Variants in PCDHGC3 observed in about 807,000 individuals in gnomAD.
The protein encoded by PCDHGC3 is protocadherin gamma-C3.
A neutral mutation model predicts 59.2 loss-of-function variants in PCDHGC3; 26 were observed. The ratio of observed to expected loss-of-function variants is 0.44; its 90% CI spans 0.32 to 0.61. PCDHGC3 has a LOEUF of 0.61. PCDHGC3 is among the 20% of genes least tolerant of loss of function. PCDHGC3 has a pLI of 0.05. For synonymous variants in PCDHGC3, 487 were observed against 519.7 expected, an observed-to-expected ratio of 0.94 and a Z score of 0.86; for missense variants, 1,080 against 1,221.8, an observed-to-expected ratio of 0.88 and a Z score of 1.73.
chr5:141,497,122 G>A (rs1407489807), intron 2 of PCDHGC3, among the ~76,000 whole-genome samples: 1 of 151,992 alleles, frequency 6.6e-6, no homozygotes, highest in East Asian at 1.9e-4. Flanking sequence ...GAAGGCAGAG[G>A]TTGCAGTGAG....
In PCDHGC3 at chr5:141,477,850, G is replaced by C. The variant is rs2099420608; in HGVS notation, c.1734G>C (p.Glu578Asp). The change falls in exon 1 of 4, where the codon GAG (glutamate) becomes GAC (aspartate). Residue 578 changes from glutamate (E) to aspartate (D), a missense_variant. Glu to Asp is a conservative substitution (Grantham distance 45). Coordinates refer to ENST00000308177, the MANE Select transcript of PCDHGC3 (RefSeq NM_002588.4). The surrounding 1 kb of genome is among the most constrained non-coding windows in gnomAD (Gnocchi z 4.9). ...LYPRPGGSSV[E>D]MLPRGTSAGH... Reference sequence around the variant, plus strand: ...CTCGGCCAGGTGGGAGCTCGGTGGAGATGCTGCCTCGAGGTACCTCAGCTG... The same window carrying C: ...CTCGGCCAGGTGGGAGCTCGGTGGACATGCTGCCTCGAGGTACCTCAGCTG... 6.2e-6 allele frequency: 10 copies of C among 1,613,328 alleles called. No individual in the cohort carries two copies. Among genetic ancestry groups the C allele is most frequent in the Non-Finnish European group, 7.6e-6 (9 of 1,179,812 alleles).
rs1307889557 is a variant in PCDHGC3, at chr5:141,486,267, C to G, written c.2430+7721C>G. On this transcript the variant is annotated intron_variant, in intron 1 of 3. Transcript: ENST00000308177. The surrounding 1 kb of genome is among the most constrained non-coding windows in gnomAD (Gnocchi z 5.0). ...GGAACCCTCCCCGAGAGTGCAGAAC[C>G]TGGCACTGTGGTGGCACTTATCAGT... 1 of 1,614,128 alleles carries G rather than the reference C, an allele frequency of 6.2e-7. No homozygotes were observed. Among genetic ancestry groups the G allele is most frequent in the South Asian group, 1.1e-5 (1 of 91,072 alleles).
rs2099413641 is a variant in PCDHGC3, at chr5:141,477,586, T to C, written c.1470T>C (p.Ala490=). The C allele has an allele frequency of 1.9e-6, 3 of 1,614,022 alleles. No individual in the cohort carries two copies. The highest frequency in any genetic ancestry group is 2.5e-6 in the Non-Finnish European group (3 of 1,180,036). The change falls in exon 1 of 4, where the codon GCT becomes GCC. Residue 490 remains alanine, a synonymous_variant. Transcript: ENST00000308177. This position sits in a 1 kb window ranked among gnomAD's most constrained non-coding sequence, Gnocchi z 4.9. ...SVWDPDAPQN[A]RLSFFLLEQG... ...GGGACCCCGACGCCCCGCAGAATGC[T>C]CGGCTTTCTTTCTTTCTCTTGGAGC... is the stretch of plus-strand genomic sequence containing the variant.
Position 141,478,292 on chromosome 5 carries a change from CTATA to C in PCDHGC3, c.2177_2180del (p.Leu726ProfsTer5), listed in dbSNP as rs1257685524. 1 of 1,614,146 alleles carries C rather than the reference CTATA, an allele frequency of 6.2e-7. No homozygotes were observed. Among genetic ancestry groups the C allele is most frequent in the Admixed American group, 1.7e-5 (1 of 60,036 alleles). On this transcript the variant is annotated frameshift_variant, in exon 1 of 4. Coordinates refer to ENST00000308177, the MANE Select transcript of PCDHGC3 (RefSeq NM_002588.4). LOFTEE classifies it high-confidence loss of function. ...TTACAAGTGGAAGCAGTCTAGAGAC[CTATA>C]CCGAGCCCCGGTGAGCTCACTGTAC...
At chr5:141,505,015 A>G (rs965107997) in intron 2 of PCDHGC3, among the ~76,000 whole-genome samples, 1 of 152,160 alleles carries the variant, frequency 6.6e-6, no homozygotes, top group Admixed American at 6.5e-5. Flanking sequence ...TACAAAAATT[A>G]GCCTGGCACA....
At position 141,476,356 on chromosome 5, in the gene PCDHGC3, C is replaced by T. The variant is rs757679991; in HGVS notation, c.240C>T (p.Asn80=). The stretch of plus-strand genomic sequence containing the variant: ...CTAGCCGAAGATTCTTTGAGGTGAA[C>T]CGGGAGACCGGAGAGATGTTTGTGA... ...SGASRRFFEV[N]RETGEMFVND... Residue 80 remains asparagine, a synonymous_variant, in exon 1 of 4, where the codon AAC becomes AAT. Coordinates refer to ENST00000308177, the MANE Select transcript of PCDHGC3 (RefSeq NM_002588.4). This position sits in a 1 kb window ranked among gnomAD's most constrained non-coding sequence, Gnocchi z 7.6. 6 of 1,613,958 alleles carry T rather than the reference C, an allele frequency of 3.7e-6. No individual in the cohort carries two copies. The African/African-American group carries it at 4.0e-5, about 11-fold the overall frequency.
Position 141,486,445 on chromosome 5 carries a change from G to A in PCDHGC3, c.2430+7899G>A. On this transcript the variant is annotated intron_variant, in intron 1 of 3. Coordinates refer to ENST00000308177, the MANE Select transcript of PCDHGC3 (RefSeq NM_002588.4). The surrounding 1 kb of genome is among the most constrained non-coding windows in gnomAD (Gnocchi z 5.0). ...AGGCCAAATCTAGCTATGACATCAT[G>A]GTCACTGCTTCTGATGCTGGGAACC... 6.2e-7 allele frequency: 1 copy of A among 1,613,948 alleles called. No homozygotes were observed. The highest frequency in any genetic ancestry group is 8.5e-7 in the Non-Finnish European group (1 of 1,179,862).
intron 1 of PCDHGC3, chr5:141,479,198 GA>G (rs1288699377): frequency 6.6e-6 from 1 of 152,304 alleles, no homozygotes; most frequent in African/African-American, 2.4e-5. Context: ...AGAAAATACA[GA>G]AAAGTATTTA....
At position 141,491,735 on chromosome 5, in the gene PCDHGC3, G is replaced by C. The variant is rs765837152; in HGVS notation, c.2431-3072G>C. ...TCGGCGCCGCCCCGGGCGACCCCTG[G>C]GGGCGGCACTGGAGAAGCCGCCCGT... On this transcript the variant is annotated intron_variant, in intron 1 of 3. Coordinates refer to ENST00000308177, the MANE Select transcript of PCDHGC3 (RefSeq NM_002588.4). The surrounding 1 kb of genome is among the most constrained non-coding windows in gnomAD (Gnocchi z 6.9). 2.5e-6 allele frequency: 4 copies of C among 1,601,968 alleles called. No homozygotes were observed. In the South Asian group the frequency reaches 4.4e-5, roughly 18 times the overall value.
rs1288507078 is a variant in PCDHGC3 at position 141,476,171 on chromosome 5, G to A, written c.55G>A (p.Val19Ile). Residue 19 changes from valine (V) to isoleucine (I), a missense_variant, in exon 1 of 4, where the codon GTT (valine) becomes ATT (isoleucine). Transcript: ENST00000308177. This position sits in a 1 kb window ranked among gnomAD's most constrained non-coding sequence, Gnocchi z 7.6. ...GLVSTGRVVGVLLLLGALNKA... is the reference protein window; with the variant it reads ...GLVSTGRVVGILLLLGALNKA... ...GGTAAGCACCGGGAGGGTAGTGGGA[G>A]TTTTGCTTCTGCTTGGTGCCTTGAA... The A allele has an allele frequency of 1.2e-6, 2 of 1,613,442 alleles. No individual in the cohort carries two copies. The highest frequency in any genetic ancestry group is 1.7e-6 in the Non-Finnish European group (2 of 1,179,978).
chr5:141,489,713 A>G lies in PCDHGC3; in HGVS notation c.2431-5094A>G. On this transcript the variant is annotated intron_variant, in intron 1 of 3. Coordinates refer to ENST00000308177, the MANE Select transcript of PCDHGC3 (RefSeq NM_002588.4). The surrounding 1 kb of genome is among the most constrained non-coding windows in gnomAD (Gnocchi z 4.5). The stretch of plus-strand genomic sequence containing the variant: ...GCACGATTCCCACTGGACAGTGCCC[A>G]GGATCCGGATGTGGGCACCAATACT... 1.9e-6 allele frequency: 3 copies of G among 1,614,162 alleles called. No individual in the cohort carries two copies. The highest frequency in any genetic ancestry group is 2.5e-6 in the Non-Finnish European group (3 of 1,179,968).
chr5:141,491,783 A>C lies in PCDHGC3; in HGVS notation c.2431-3024A>C. 1 of 1,539,736 alleles carries C rather than the reference A, an allele frequency of 6.5e-7. No individual in the cohort carries two copies. The highest frequency in any genetic ancestry group is 1.2e-5 in the South Asian group (1 of 82,444). On this transcript the variant is annotated intron_variant, in intron 1 of 3. Coordinates refer to ENST00000308177, the MANE Select transcript of PCDHGC3 (RefSeq NM_002588.4). The surrounding 1 kb of genome is among the most constrained non-coding windows in gnomAD (Gnocchi z 6.9). ...CGTCCTCATAAGGGATTGAACTTGC[A>C]TCCACTCCTCTCCGGCCGGCTTGGT...
In PCDHGC3 at chr5:141,480,033, C is replaced by G. The variant is rs370321166; in HGVS notation, c.2430+1487C>G. On this transcript the variant is annotated intron_variant, in intron 1 of 3. Coordinates refer to ENST00000308177, the MANE Select transcript of PCDHGC3 (RefSeq NM_002588.4). ...CTCAATCTCCTTTCTAAGCCTCTTC[C>G]TCATATGCAAAAAGGGAATAATAAG... is the stretch of plus-strand genomic sequence containing the variant. Among the ~76,000 whole-genome samples, 3 of 152,224 alleles carry G rather than the reference C, an allele frequency of 2.0e-5. No individual in the cohort carries two copies. The East Asian group carries it at 5.8e-4, about 29-fold the overall frequency.
chr5:141,481,729 G>A (rs757464454), intron 1 of PCDHGC3, among the ~76,000 whole-genome samples: 6 of 151,966 alleles, frequency 3.9e-5, no homozygotes, highest in Admixed American at 1.3e-4. Flanking sequence ...GGAGGCGGGC[G>A]GATCACGAGG....
At position 141,478,875 on chromosome 5, in the gene PCDHGC3, G is replaced by A. The variant is rs913320768; in HGVS notation, c.2430+329G>A. On this transcript the variant is annotated intron_variant, in intron 1 of 3. Coordinates refer to ENST00000308177, the MANE Select transcript of PCDHGC3 (RefSeq NM_002588.4). ...ACAAGATCTCAGCGATCAGAGTTTA[G>A]CTTGGTATCATTTACATTAGGAATA... The A allele has an allele frequency of 2.4e-6, 3 of 1,273,470 alleles. No homozygotes were observed. The South Asian group carries it at 4.8e-5, about 21-fold the overall frequency. 78.9% of individuals were successfully genotyped at this position (1,273,470 alleles called of 1,614,324 possible).
chr5:141,494,528 G>A lies in PCDHGC3; in HGVS notation c.2431-279G>A, dbSNP rs189993899. On this transcript the variant is annotated intron_variant, in intron 1 of 3. Coordinates refer to ENST00000308177, the MANE Select transcript of PCDHGC3 (RefSeq NM_002588.4). ...ATTTTGGCTCAGGAGTTCTGACTCTGGGGGCAGGGAGGAAGGGGCCATTTC... is the reference window on the plus strand; with the variant it reads ...ATTTTGGCTCAGGAGTTCTGACTCTAGGGGCAGGGAGGAAGGGGCCATTTC... 3.0e-4 allele frequency among the ~76,000 whole-genome samples: 45 copies of A among 152,274 alleles called. 1 individual carries two copies. Among genetic ancestry groups the A allele is most frequent in the African/African-American group, 1.0e-3 (42 of 41,542 alleles).
At chr5:141,508,242 GC>G (rs1344624071) in intron 3 of PCDHGC3, 1 of 152,310 alleles carries the variant, frequency 6.6e-6, no homozygotes, top group African/African-American at 2.4e-5. Context: ...TCCTAAGTCT[GC>G]CTCTCCTGGG....
rs369794418 is a variant in PCDHGC3, at chr5:141,497,143, G to A, written c.2489+2278G>A. Among the ~76,000 whole-genome samples the A allele has an allele frequency of 7.3e-5, 11 of 150,108 alleles. No individual in the cohort carries two copies. In the East Asian group the frequency reaches 1.6e-3, roughly 21 times the overall value. On this transcript the variant is annotated intron_variant, in intron 2 of 3. Coordinates refer to ENST00000308177, the MANE Select transcript of PCDHGC3 (RefSeq NM_002588.4). ...AGAGGTTGCAGTGAGCTGAGATCAC[G>A]AAAAAAAAATAATCTAGCCACAAAT...
At position 141,491,039 on chromosome 5, in the gene PCDHGC3, G is replaced by T; in HGVS notation, c.2431-3768G>T. 1 of 1,614,180 alleles carries T rather than the reference G, an allele frequency of 6.2e-7. No individual in the cohort carries two copies. The highest frequency in any genetic ancestry group is 1.1e-5 in the South Asian group (1 of 91,090). ...GTGACAGCCGTGGATGCTGATGCAGGCCACAATGCGTGGCTCTCCTACTCA... is the reference window on the plus strand; with the variant it reads ...GTGACAGCCGTGGATGCTGATGCAGTCCACAATGCGTGGCTCTCCTACTCA... On this transcript the variant is annotated intron_variant, in intron 1 of 3. Transcript: ENST00000308177. The surrounding 1 kb of genome is among the most constrained non-coding windows in gnomAD (Gnocchi z 6.9).
Sources: allele counts gnomAD v4.1 joint callset (sites outside exome capture counted in the v4.1 genomes callset), GRCh38; gene constraint gnomAD v4.1.1; non-coding constraint Gnocchi (gnomAD v3.1); transcripts MANE v1.5; gene names NCBI Gene and HGNC (gene_info 2026-07-23, HGNC 2026-07-21).